The following CSMD1 variants were observed in gnomAD, a reference collection of about 807,000 sequenced individuals.
CSMD1 encodes the protein CUB and Sushi multiple domains 1, also known as CUB and sushi domain-containing protein 1.
A neutral mutation model predicts 417.5 loss-of-function variants in CSMD1; 213 were observed. That is an observed-to-expected ratio of 0.51 (90% confidence interval 0.46 to 0.57). The LOEUF (loss-of-function observed/expected upper bound fraction) is 0.57. CSMD1 is among the 20% of genes least tolerant of loss of function. The probability of loss-of-function intolerance (pLI) is 0.00; values close to 1 mark genes in which losing one functional copy is unlikely to be tolerated. For missense variants in CSMD1, 6,923 were observed against 4,529.7 expected (o/e 1.53, Z -15.17); for synonymous variants, 2,862 against 1,736.8 (o/e 1.65, Z -16.11).
intron 8 of CSMD1, among the ~76,000 whole-genome samples, chr8:3,606,550 G>C (rs1801624344): frequency 6.6e-6 from 1 of 152,098 alleles, no homozygotes; most frequent in Non-Finnish European, 1.5e-5. Context: ...TGCTCTGTGT[G>C]AGTCAGTAAG....
At chr8:3,492,143 T>A (rs1585245400) in intron 11 of CSMD1, among the ~76,000 whole-genome samples, 2 of 152,180 alleles carry the variant, frequency 1.3e-5, no homozygotes, top group African/African-American at 2.4e-5. Flanking sequence ...TTTAACCTAT[T>A]GGGACTGAAA....
intron 8 of CSMD1, among the ~76,000 whole-genome samples, chr8:3,614,781 T>A (rs753134447): frequency 1.5e-4 from 23 of 152,170 alleles, no homozygotes; most frequent in Admixed American, 5.9e-4. Context: ...ACAGTTTTAG[T>A]CACTGAGGAT....
intron 23 of CSMD1, among the ~76,000 whole-genome samples, chr8:3,329,597 T>A (rs559748261): frequency 6.6e-6 from 1 of 152,292 alleles, no homozygotes; most frequent in East Asian, 1.9e-4. Context: ...TCATGTACCA[T>A]GAGTGCGTCC....
At chr8:3,741,402 G>T (rs1423154437) in intron 6 of CSMD1, among the ~76,000 whole-genome samples, 3 of 152,014 alleles carry the variant, frequency 2.0e-5, no homozygotes, top group Non-Finnish European at 4.4e-5. Flanking sequence ...TATAGGGCCA[G>T]GTTATCCCAT....
rs184963605 is a variant in CSMD1, at chr8:4,436,469, G to A, written c.303-16404C>T. Among the ~76,000 whole-genome samples, 1,138 of 146,602 alleles carry A rather than the reference G, an allele frequency of 7.8e-3. 22 individuals are homozygous for A. The highest frequency in any genetic ancestry group is 0.03 in the African/African-American group (1,088 of 36,364). On this transcript the variant is annotated intron_variant, in intron 2 of 69. Coordinates refer to ENST00000635120, the MANE Select transcript of CSMD1 (RefSeq NM_033225.6). ...GCATGTTTTGATTCAGAAATGCAAT[G>A]CATAATAATCACCTCAGGTTGAGGG...
At chr8:4,104,653 G>C (rs948627736) in intron 3 of CSMD1, among the ~76,000 whole-genome samples, 1 of 152,190 alleles carries the variant, frequency 6.6e-6, no homozygotes, top group African/African-American at 2.4e-5. Context: ...ATGGGAAAGA[G>C]CTGTGCCACA....
intron 12 of CSMD1, among the ~76,000 whole-genome samples, chr8:3,458,521 A>C (rs1204390454): frequency 6.6e-6 from 1 of 152,198 alleles, no homozygotes. Flanking sequence ...TGGAAACTCA[A>C]TATCTTTCTA....
At chr8:3,939,187 T>A (rs937718244) in intron 5 of CSMD1, among the ~76,000 whole-genome samples, 1 of 152,096 alleles carries the variant, frequency 6.6e-6, no homozygotes, top group Non-Finnish European at 1.5e-5. Context: ...ACAGACTGTA[T>A]AAGAGAACCC....
chr8:4,265,725 G>A (rs148308368), intron 3 of CSMD1, among the ~76,000 whole-genome samples: 1 of 104,506 alleles, frequency 9.6e-6, no homozygotes, highest in African/African-American at 2.6e-5. Context: ...AACAGTTAAT[G>A]CAACATAAAA....
intron 1 of CSMD1, among the ~76,000 whole-genome samples, chr8:4,818,872 C>G (rs1799359768): frequency 1.3e-5 from 2 of 152,104 alleles, no homozygotes; most frequent in African/African-American, 4.8e-5. Flanking sequence ...AAAAGTTAAA[C>G]TGTTTACTAA....
At position 3,230,223 on chromosome 8, in the gene CSMD1, C is replaced by A; in HGVS notation, c.4162G>T (p.Ala1388Ser). 6.3e-7 allele frequency: 1 copy of A among 1,579,732 alleles called. No homozygotes were observed. Among genetic ancestry groups the A allele is most frequent in the Non-Finnish European group, 8.6e-7 (1 of 1,162,050 alleles). The change falls in exon 27 of 70, where the codon GCA becomes TCA. Residue 1388 changes from alanine to serine, a missense_variant. Physicochemically the swap from Ala to Ser is moderately conservative, Grantham distance 99. Coordinates refer to ENST00000635120, the MANE Select transcript of CSMD1 (RefSeq NM_033225.6). ...GFSIQFSTSI[A>S]ATCNDPGMPQ... ...ATACCTGGATCGTTACAGGTGGCTGCAATTGAGGCTGCAAACAAAAGAGAA... is the reference window on the plus strand; with the variant it reads ...ATACCTGGATCGTTACAGGTGGCTGAAATTGAGGCTGCAAACAAAAGAGAA...
At chr8:3,109,300 C>A (rs1295077580) in intron 43 of CSMD1, among the ~76,000 whole-genome samples, 1 of 152,138 alleles carries the variant, frequency 6.6e-6, no homozygotes, top group Non-Finnish European at 1.5e-5. Context: ...ATAAAAATGT[C>A]AACACCTGTG....
chr8:4,378,690 G>A (rs1413728155), intron 3 of CSMD1, among the ~76,000 whole-genome samples: 3 of 152,192 alleles, frequency 2.0e-5, no homozygotes, highest in Admixed American at 1.3e-4. Flanking sequence ...CTGCTCAAAT[G>A]TTGAAACCTA....
chr8:3,128,039 T>A (rs1563069539), intron 41 of CSMD1: 1 of 152,044 alleles, frequency 6.6e-6, no homozygotes, highest in Non-Finnish European at 1.5e-5. Flanking sequence ...GAAAAGGAAG[T>A]CACTAAAATC....
At chr8:4,915,842 G>A (rs1446778695) in intron 1 of CSMD1, among the ~76,000 whole-genome samples, 1 of 152,174 alleles carries the variant, frequency 6.6e-6, no homozygotes, top group African/African-American at 2.4e-5. Context: ...TGTCACAATG[G>A]CATCCTGCCT....
chr8:3,383,044 C>T (rs1475878417), intron 18 of CSMD1, among the ~76,000 whole-genome samples: 1 of 152,154 alleles, frequency 6.6e-6, no homozygotes, highest in African/African-American at 2.4e-5. Context: ...GATGCCAGCG[C>T]ATGTAGATAG....
intron 2 of CSMD1, among the ~76,000 whole-genome samples, chr8:4,615,341 C>G (rs1034870943): frequency 6.6e-6 from 1 of 152,128 alleles, no homozygotes; most frequent in African/African-American, 2.4e-5. Flanking sequence ...CTCTCAGACA[C>G]CCATAATATA....
At chr8:4,794,703 T>C (rs140656668) in intron 1 of CSMD1, among the ~76,000 whole-genome samples, 201 of 152,328 alleles carry the variant, frequency 1.3e-3, no homozygotes, top group African/African-American at 4.6e-3. Context: ...CTTAAGGCCA[T>C]GTGGCAGAGT....
chr8:4,793,005 T>TATAC (rs1797776257), intron 1 of CSMD1, among the ~76,000 whole-genome samples: 1 of 150,888 alleles, frequency 6.6e-6, no homozygotes, highest in Non-Finnish European at 1.5e-5. Flanking sequence ...TATATATATA[T>TATAC]ATCTCCACAC....
Sources: gnomAD v4.1 joint callset for allele counts (sites outside exome capture counted in the v4.1 genomes callset) on GRCh38, gnomAD v4.1.1 for gene constraint, MANE v1.5 for transcripts, NCBI Gene and HGNC (gene_info 2026-07-23, HGNC 2026-07-21) for gene names.